TSPAN3: variants seen among roughly 807,000 people sequenced by gnomAD.
The protein encoded by TSPAN3 is tetraspanin 3, also known as tetraspanin-3.
Under a neutral mutation model 31.1 loss-of-function variants are expected in TSPAN3, and 9 were observed. The observed-to-expected ratio is 0.29, with a 90% confidence interval of 0.17 to 0.50. TSPAN3 has a LOEUF of 0.50. Among genes scored for constraint, TSPAN3 ranks in the 20% least tolerant of loss-of-function variants. The pLI is 0.98. For missense variants in TSPAN3, 252 were observed against 313.5 expected, an observed-to-expected ratio of 0.80 and a Z score of 1.48; for synonymous variants, 129 against 114.3, an observed-to-expected ratio of 1.13 and a Z score of -0.82.
chr15:77,055,668 A>G, intron 3 of TSPAN3, 121 bp downstream of exon 3: 1 of 749,028 alleles, frequency 1.3e-6, no homozygotes, highest in East Asian at 2.6e-5. Flanking sequence ...TATTTGAAAT[A>G]CAGATTAAAC....
At chr15:77,055,406 A>G (rs942478215) in intron 3 of TSPAN3, 6 of 167,530 alleles carry the variant, frequency 3.6e-5, no homozygotes, top group Admixed American at 3.5e-4. Flanking sequence ...TATGTTTAGG[A>G]CCAAAGCATT....
intron 1 of TSPAN3, among the ~76,000 whole-genome samples, chr15:77,061,300 G>A (rs866566616): frequency 6.6e-6 from 1 of 152,152 alleles, no homozygotes; most frequent in South Asian, 2.1e-4. Context: ...GGCCAAGGCC[G>A]GCAGATCATC....
At chr15:77,058,983 G>A (rs16968660) in intron 1 of TSPAN3, among the ~76,000 whole-genome samples, 2,439 of 152,318 alleles carry the variant, frequency 0.016, 29 homozygotes, top group East Asian at 0.069. Flanking sequence ...AGAGTTCACT[G>A]ACATATTTGC....
At chr15:77,059,866 T>C (rs2076790234) in intron 1 of TSPAN3, among the ~76,000 whole-genome samples, 1 of 152,048 alleles carries the variant, frequency 6.6e-6, no homozygotes, top group South Asian at 2.1e-4. Context: ...TCTAAAGAGG[T>C]TCCTATGAGA....
intron 1 of TSPAN3, among the ~76,000 whole-genome samples, chr15:77,061,331 C>T (rs1219118335): frequency 2.6e-5 from 4 of 152,064 alleles, no homozygotes; most frequent in South Asian, 2.1e-4. Flanking sequence ...AATTCGAGAC[C>T]GGCCTGACCA....
intron 6 of TSPAN3, among the ~76,000 whole-genome samples, chr15:77,047,273 C>T (rs1049067839): frequency 6.6e-6 from 1 of 152,326 alleles, no homozygotes; most frequent in East Asian, 1.9e-4. Flanking sequence ...CATGTGACTA[C>T]TGAGCACCTG....
At chr15:77,066,052 T>C (rs2076830818) in intron 1 of TSPAN3, among the ~76,000 whole-genome samples, 1 of 152,164 alleles carries the variant, frequency 6.6e-6, no homozygotes, top group East Asian at 1.9e-4. Context: ...GCCAATTAGT[T>C]TTTCTAATAG....
At chr15:77,048,613 A>G (rs2076708978) in intron 6 of TSPAN3, among the ~76,000 whole-genome samples, 1 of 152,218 alleles carries the variant, frequency 6.6e-6, no homozygotes, top group African/African-American at 2.4e-5. Context: ...TTACAGGCTC[A>G]TTTCCAAAGG....
Position 77,044,822 on chromosome 15 carries a change from A to C in TSPAN3, c.*2013T>G, listed in dbSNP as rs1257618550. The C allele has an allele frequency of 2.0e-5, 3 of 152,202 alleles. No individual in the cohort carries two copies. The highest frequency in any genetic ancestry group is 7.2e-5 in the African/African-American group (3 of 41,402). 9.4% of individuals were successfully genotyped at this position (152,202 alleles called of 1,614,324 possible). A position where few individuals can be genotyped will look rare whatever the true frequency, so the allele number is the denominator to read the frequency against. On this transcript the variant is annotated 3_prime_UTR_variant, in exon 7 of 7. Coordinates refer to ENST00000267970, the MANE Select transcript of TSPAN3 (RefSeq NM_005724.6). ...AGGGCCAGCCTGTGACAGGGTACCC[A>C]CAGGATGGTTCATATTGAAAACTGG...
intron 1 of TSPAN3, among the ~76,000 whole-genome samples, chr15:77,063,032 A>G (rs1409652479): frequency 6.6e-6 from 1 of 152,208 alleles, no homozygotes; most frequent in Non-Finnish European, 1.5e-5. Flanking sequence ...CATAATTAGA[A>G]TAATAGTTAA....
intron 6 of TSPAN3, among the ~76,000 whole-genome samples, chr15:77,049,335 T>C (rs1166463412): frequency 6.6e-6 from 1 of 152,156 alleles, no homozygotes; most frequent in Non-Finnish European, 1.5e-5. Flanking sequence ...AACAGTTCTT[T>C]ATGAAATCTG....
chr15:77,045,818 G>C lies in TSPAN3; in HGVS notation c.*1017C>G, dbSNP rs2076687272. The C allele has an allele frequency of 6.6e-6, 1 of 152,198 alleles. No homozygotes were observed. The highest frequency in any genetic ancestry group is 2.4e-5 in the African/African-American group (1 of 41,430). The allele number at this position is 152,198 out of a possible 1,614,324, so 9.4% of individuals were successfully genotyped here. ...GGACAGTATCGCCACTGTATCCCCA[G>C]TGCATTGCACAAAGTAGAGCTCTAT... On this transcript the variant is annotated 3_prime_UTR_variant, in exon 7 of 7. Transcript: ENST00000267970.
At chr15:77,055,748 C>T in intron 3 of TSPAN3, 41 bp downstream of exon 3, 1 of 1,492,576 alleles carries the variant, frequency 6.7e-7, no homozygotes, top group Non-Finnish European at 9.1e-7. Flanking sequence ...ACACTTAAAC[C>T]ACCTTTTAAG....
At position 77,044,374 on chromosome 15, in the gene TSPAN3, T is replaced by C. The variant is rs547879369; in HGVS notation, c.*2461A>G. 1 of 152,362 alleles carries C rather than the reference T, an allele frequency of 6.6e-6. No individual in the cohort carries two copies. The highest frequency in any genetic ancestry group is 2.4e-5 in the African/African-American group (1 of 41,570). 9.4% of individuals were successfully genotyped at this position (152,362 alleles called of 1,614,324 possible). A position where few individuals can be genotyped will look rare whatever the true frequency, so the allele number is the denominator to read the frequency against. On this transcript the variant is annotated 3_prime_UTR_variant, in exon 7 of 7. Coordinates refer to ENST00000267970, the MANE Select transcript of TSPAN3 (RefSeq NM_005724.6). ...ACACGGGGGAAGGGCAGAAACAAGATGTTGAATTTGCATGGCCCTGGCCAA... is the reference window on the plus strand; with the variant it reads ...ACACGGGGGAAGGGCAGAAACAAGACGTTGAATTTGCATGGCCCTGGCCAA...
At position 77,057,226 on chromosome 15, in the gene TSPAN3, G is replaced by A. The variant is rs79552130; in HGVS notation, c.64-971C>T. Among the ~76,000 whole-genome samples the A allele has an allele frequency of 8.2e-3, 1,243 of 152,322 alleles. 10 individuals carry two copies. Among genetic ancestry groups the A allele is most frequent in the African/African-American group, 0.029 (1,189 of 41,556 alleles). ...ACAAACAAGCAAATGCAGTGTCAGA[G>A]TAAGTGTTAAAACATTTGGTTATCA... On this transcript the variant is annotated intron_variant, in intron 1 of 6. Coordinates refer to ENST00000267970, the MANE Select transcript of TSPAN3 (RefSeq NM_005724.6).
In TSPAN3 at chr15:77,042,332, G is replaced by A. The variant is rs1244087426; in HGVS notation, c.*4503C>T. The A allele has an allele frequency of 6.6e-6, 1 of 152,196 alleles. No homozygotes were observed. The highest frequency in any genetic ancestry group is 1.9e-4 in the East Asian group (1 of 5,196). The allele number at this position is 152,196 out of a possible 1,614,324, so 9.4% of individuals were successfully genotyped here. On this transcript the variant is annotated 3_prime_UTR_variant, in exon 7 of 7. Coordinates refer to ENST00000267970, the MANE Select transcript of TSPAN3 (RefSeq NM_005724.6). ...TAAAAAAGGCAGTAAGACAAGCTCTGTCAATCATCTATAGGACAAGAAGCA... is the reference window on the plus strand; with the variant it reads ...TAAAAAAGGCAGTAAGACAAGCTCTATCAATCATCTATAGGACAAGAAGCA...
chr15:77,053,214 G>A (rs1384075843), intron 4 of TSPAN3, among the ~76,000 whole-genome samples: 1 of 151,838 alleles, frequency 6.6e-6, no homozygotes, highest in African/African-American at 2.4e-5. Flanking sequence ...TACATTGCCA[G>A]GCCGGGTGCA....
rs892519883 is a variant in TSPAN3, at chr15:77,055,615, G to A, written c.330+174C>T. ...ATAACACTCTGCTATATTAAATGAG[G>A]TAAGGAGTCTTGACATGTAAATATT... On this transcript the variant is annotated intron_variant, in intron 3 of 6. Transcript: ENST00000267970. 4 of 574,576 alleles carry A rather than the reference G, an allele frequency of 7.0e-6. No individual in the cohort carries two copies. The African/African-American group carries it at 7.6e-5, about 11-fold the overall frequency. 35.6% of individuals were successfully genotyped at this position (574,576 alleles called of 1,614,324 possible).
At chr15:77,068,305 A>G (rs1005480174) in intron 1 of TSPAN3, 6 of 152,222 alleles carry the variant, frequency 3.9e-5, no homozygotes, top group African/African-American at 1.4e-4. Context: ...TTACCACTTC[A>G]GTCTTGGCAA....
Sources: gnomAD v4.1 joint callset for allele counts (sites outside exome capture counted in the v4.1 genomes callset) on GRCh38, gnomAD v4.1.1 for gene constraint, MANE v1.5 for transcripts, NCBI Gene and HGNC (gene_info 2026-07-23, HGNC 2026-07-21) for gene names.